Variants in GPHN observed in about 807,000 individuals in gnomAD.
GPHN encodes the protein gephyrin.
GPHN carries 17 observed loss-of-function variants against 95.5 expected under a neutral mutation model. The observed-to-expected ratio is 0.18, with a 90% CI of 0.12 to 0.27. The LOEUF is 0.27. Among genes scored for constraint, GPHN ranks in the 10% least tolerant of loss-of-function variants. The probability of loss-of-function intolerance (pLI) is 1.00; values close to 1 mark genes in which losing one functional copy is unlikely to be tolerated. For missense variants in GPHN, 660 were observed against 978.1 expected, an observed-to-expected ratio of 0.67 and a Z score of 4.34; for synonymous variants, 320 against 322.5, an observed-to-expected ratio of 0.99 and a Z score of 0.08.
chr14:67,381,590 T>C, the GPHN span: 1 of 1,608,412 alleles, frequency 6.2e-7, no homozygotes, highest in Non-Finnish European at 8.5e-7. Flanking sequence ...TTTGTAATTG[T>C]AGATATTGAA....
chr14:66,667,569 A>C (rs757013990), intron 1 of GPHN, among the ~76,000 whole-genome samples: 1 of 152,226 alleles, frequency 6.6e-6, no homozygotes, highest in Non-Finnish European at 1.5e-5. Flanking sequence ...TCCCTATTCA[A>C]TAAATGGTGC....
At chr14:66,734,206 T>C (rs2072050676) in intron 2 of GPHN, among the ~76,000 whole-genome samples, 1 of 152,198 alleles carries the variant, frequency 6.6e-6, no homozygotes, top group Admixed American at 6.6e-5. Context: ...GGTGGCTCTC[T>C]ATAACATTCA....
At chr14:66,516,917 G>T (rs1261215896) in intron 1 of GPHN, among the ~76,000 whole-genome samples, 1 of 151,970 alleles carries the variant, frequency 6.6e-6, no homozygotes, top group Non-Finnish European at 1.5e-5. Flanking sequence ...AGATCACGAA[G>T]TCAGGAGATT....
the GPHN span, among the ~76,000 whole-genome samples, chr14:67,298,042 C>T: frequency 1.3e-5 from 2 of 151,950 alleles, no homozygotes; most frequent in Non-Finnish European, 1.5e-5. Context: ...CAGTTTAATG[C>T]TGAATCAAAA....
chr14:67,692,416 G>A, the GPHN span: 1 of 1,612,960 alleles, frequency 6.2e-7, no homozygotes, highest in Non-Finnish European at 8.5e-7. Context: ...CCACAACATA[G>A]TCTCTCTAGT....
At chr14:67,381,524 TTTGA>T in the GPHN span, 464 of 1,259,844 alleles carry the variant, frequency 3.7e-4, 5 homozygotes, top group Middle Eastern at 0.01. Flanking sequence ...CTGCCACGTG[TTTGA>T]TTTCCTTTAA....
At chr14:66,894,116 A>G (rs1279133438) in intron 5 of GPHN, among the ~76,000 whole-genome samples, 1 of 152,188 alleles carries the variant, frequency 6.6e-6, no homozygotes, top group African/African-American at 2.4e-5. Flanking sequence ...AAACTATACT[A>G]CAAGGCTACA....
rs145765740 is a variant in GPHN, at chr14:66,994,708, C to T, written c.964-28925C>T. On this transcript the variant is annotated intron_variant, in intron 9 of 22. Coordinates refer to ENST00000478722, the MANE Select transcript of GPHN (RefSeq NM_020806.5). ...ATAGACACAGAACAAACATACACAG[C>T]AAGATTTTCTTAGAACTAGCATTTT... is the stretch of plus-strand genomic sequence containing the variant. Among the ~76,000 whole-genome samples, 91 of 152,274 alleles carry T rather than the reference C, an allele frequency of 6.0e-4. 3 individuals are homozygous for T. Among genetic ancestry groups the T allele is most frequent in the African/African-American group, 2.1e-3 (88 of 41,568 alleles).
chr14:67,305,933 G>A, the GPHN span, among the ~76,000 whole-genome samples: 30 of 152,144 alleles, frequency 2.0e-4, no homozygotes, highest in African/African-American at 6.0e-4. Flanking sequence ...AAGAAAGTGG[G>A]AGAAAGAGCA....
the GPHN span, among the ~76,000 whole-genome samples, chr14:67,289,360 T>C: frequency 6.6e-6 from 1 of 152,208 alleles, no homozygotes; most frequent in East Asian, 1.9e-4. Context: ...TTACATTGTA[T>C]TAAGTATTAT....
At chr14:67,089,618 A>G (rs1231840867) in intron 12 of GPHN, among the ~76,000 whole-genome samples, 1 of 152,196 alleles carries the variant, frequency 6.6e-6, no homozygotes, top group Non-Finnish European at 1.5e-5. Flanking sequence ...AGTTGAAAAC[A>G]TCTGATGGTC....
chr14:66,759,325 A>G (rs1309128444), intron 2 of GPHN, among the ~76,000 whole-genome samples: 1 of 151,646 alleles, frequency 6.6e-6, no homozygotes, highest in Non-Finnish European at 1.5e-5. Context: ...TAGACAAGGT[A>G]TGAGGCCAGT....
At chr14:67,587,586 A>C in the GPHN span, 3 of 246,850 alleles carry the variant, frequency 1.2e-5, no homozygotes, top group African/African-American at 2.6e-5. Flanking sequence ...AAGGAAGCTA[A>C]TTTTCTTTCT....
At chr14:67,269,862 C>A in the GPHN span, 1 of 152,462 alleles carries the variant, frequency 6.6e-6, no homozygotes, top group Non-Finnish European at 1.5e-5. Flanking sequence ...ATAGTTTAAC[C>A]TCTTAGAATG....
the GPHN span, chr14:67,727,273 A>C: frequency 9.9e-7 from 1 of 1,005,030 alleles, no homozygotes; most frequent in Non-Finnish European, 1.5e-6. Context: ...TCAGGCTGTC[A>C]AACATGCACG....
chr14:67,575,809 AC>A, the GPHN span: 1 of 1,606,402 alleles, frequency 6.2e-7, no homozygotes, highest in East Asian at 2.2e-5. Context: ...TTCATGGAAG[AC>A]TGCTGTCCAC....
the GPHN span, chr14:67,692,413 A>G: frequency 1.9e-6 from 3 of 1,613,094 alleles, no homozygotes; most frequent in East Asian, 2.2e-5. Context: ...GACCCACAAC[A>G]TAGTCTCTCT....
the GPHN span, among the ~76,000 whole-genome samples, chr14:67,193,954 C>CAAAAAAAAAACAAA: frequency 0.19 from 16,151 of 84,474 alleles, 1,887 homozygotes; most frequent in East Asian, 0.42. Flanking sequence ...CAAAAAAAAA[C>CAAAAAAAAAACAAA]AAAAAAAAAA....
chr14:67,279,237 C>T, the GPHN span: 1 of 1,612,834 alleles, frequency 6.2e-7, no homozygotes, highest in Non-Finnish European at 8.5e-7. Flanking sequence ...AAATGTTGAT[C>T]TTGCATCACC....
Sources: gnomAD v4.1 joint callset for allele counts (sites outside exome capture counted in the v4.1 genomes callset) on GRCh38, gnomAD v4.1.1 for gene constraint, MANE v1.5 for transcripts, NCBI Gene and HGNC (gene_info 2026-07-23, HGNC 2026-07-21) for gene names.